L3MBTL3: variants seen among roughly 807,000 people sequenced by gnomAD.
The protein encoded by L3MBTL3 is L3MBTL histone methyl-lysine binding protein 3.
A neutral mutation model predicts 102.3 loss-of-function variants in L3MBTL3; 27 were observed. The observed-to-expected ratio is 0.26, with a 90% CI of 0.19 to 0.36. The LOEUF (loss-of-function observed/expected upper bound fraction) is 0.36. Among genes scored for constraint, L3MBTL3 ranks in the 10% least tolerant of loss-of-function variants. The probability of loss-of-function intolerance (pLI) is 1.00; values close to 1 mark genes in which losing one functional copy is unlikely to be tolerated. For synonymous variants in L3MBTL3, 340 were observed against 320.9 expected (o/e 1.06, Z -0.64); for missense variants, 798 against 955.3 (o/e 0.84, Z 2.17).
intron 22 of L3MBTL3, among the ~76,000 whole-genome samples, chr6:130,134,871 G>A (rs1787455184): frequency 6.6e-6 from 1 of 152,162 alleles, no homozygotes; most frequent in South Asian, 2.1e-4. Flanking sequence ...ATACTGTTAG[G>A]TATAATTTAT....
intron 18 of L3MBTL3, among the ~76,000 whole-genome samples, chr6:130,099,306 G>A (rs1006147619): frequency 2.6e-5 from 4 of 152,126 alleles, no homozygotes; most frequent in African/African-American, 9.7e-5. Flanking sequence ...ACATGTGCAC[G>A]TGTCTAACCA....
chr6:130,104,675 G>A, intron 19 of L3MBTL3, 100 bp downstream of exon 19: 6 of 876,118 alleles, frequency 6.8e-6, no homozygotes, highest in Non-Finnish European at 9.5e-6. Context: ...TGTTTTCTTG[G>A]AGATTGTTGA....
chr6:130,032,772 C>T (rs573009894), intron 2 of L3MBTL3, among the ~76,000 whole-genome samples: 1 of 152,308 alleles, frequency 6.6e-6, no homozygotes, highest in African/African-American at 2.4e-5. Flanking sequence ...GGAAGAATCA[C>T]GTGAGGCCTG....
intron 13 of L3MBTL3, among the ~76,000 whole-genome samples, chr6:130,072,084 G>C (rs1782673219): frequency 6.6e-6 from 1 of 151,976 alleles, no homozygotes; most frequent in African/African-American, 2.4e-5. Flanking sequence ...TTGGCCTTCT[G>C]TATCTGTGGG....
chr6:130,062,557 T>G (rs1199376417), intron 10 of L3MBTL3, among the ~76,000 whole-genome samples: 1 of 143,842 alleles, frequency 7.0e-6, no homozygotes, highest in Non-Finnish European at 1.5e-5. Context: ...CCAGCTAAAT[T>G]TTTTTTTTTT....
intron 18 of L3MBTL3, among the ~76,000 whole-genome samples, chr6:130,099,194 T>C (rs1220106631): frequency 6.6e-6 from 1 of 152,148 alleles, no homozygotes; most frequent in East Asian, 1.9e-4. Context: ...TAGTGTAGGA[T>C]GCACCTCAAT....
At position 130,060,041 on chromosome 6, in the gene L3MBTL3, A is replaced by G. The variant is rs1562275355; in HGVS notation, c.765A>G (p.Gln255=). The change falls in exon 10 of 23, where the codon CAA becomes CAG. Residue 255 remains glutamine (Q), a synonymous_variant. Coordinates refer to ENST00000361794, the MANE Select transcript of L3MBTL3 (RefSeq NM_032438.4). ...AVPAKLFKEH[Q]SFPYNKNGFK... Reference sequence around the variant, plus strand: ...GCTCTCATTTTGCATTTTAGCATCAATCCTTTCCATATAACAAAAATGGAT... The same window carrying G: ...GCTCTCATTTTGCATTTTAGCATCAGTCCTTTCCATATAACAAAAATGGAT... The G allele has an allele frequency of 6.8e-6, 11 of 1,606,392 alleles. No individual in the cohort carries two copies. The highest frequency in any genetic ancestry group is 1.7e-5 in the Admixed American group (1 of 59,928).
At chr6:130,036,506 T>C (rs1780072372) in intron 2 of L3MBTL3, among the ~76,000 whole-genome samples, 1 of 152,212 alleles carries the variant, frequency 6.6e-6, no homozygotes, top group Admixed American at 6.5e-5. Flanking sequence ...TACTGTTTCA[T>C]ACAGCAAAGG....
chr6:130,079,585 A>G (rs1288508122), intron 14 of L3MBTL3, among the ~76,000 whole-genome samples: 1 of 152,150 alleles, frequency 6.6e-6, no homozygotes, highest in Non-Finnish European at 1.5e-5. Context: ...CGCAGTAGAC[A>G]ATTGCTTAGT....
chr6:130,068,297 T>G (rs752332572), intron 11 of L3MBTL3, 33 bp from the exon 12 acceptor site: 2 of 1,161,382 alleles, frequency 1.7e-6, no homozygotes, highest in Non-Finnish European at 2.6e-6. Context: ...ATTGTGGTAT[T>G]TGAATCAATC....
At chr6:130,070,919 G>T in intron 12 of L3MBTL3, 57 bp from the exon 13 acceptor site, 1 of 1,448,970 alleles carries the variant, frequency 6.9e-7, no homozygotes, top group Non-Finnish European at 9.5e-7. Flanking sequence ...AGAGTGTGCA[G>T]TTCTTGTGGT....
intron 20 of L3MBTL3, among the ~76,000 whole-genome samples, chr6:130,127,906 G>A (rs1282195326): frequency 2.0e-5 from 3 of 151,950 alleles, no homozygotes; most frequent in East Asian, 1.9e-4. Flanking sequence ...GCAAATACAG[G>A]GAAGCAAAAT....
chr6:130,027,280 A>G (rs973772696), intron 2 of L3MBTL3, among the ~76,000 whole-genome samples: 1 of 152,154 alleles, frequency 6.6e-6, no homozygotes, highest in African/African-American at 2.4e-5. Context: ...TTTTGAGCGT[A>G]TACTATGTAC....
At chr6:130,018,903 G>C (rs1778734624) in intron 1 of L3MBTL3, among the ~76,000 whole-genome samples, 1 of 152,138 alleles carries the variant, frequency 6.6e-6, no homozygotes, top group South Asian at 2.1e-4. Context: ...AAGTGGGCAA[G>C]TGACTCGGAA....
intron 13 of L3MBTL3, among the ~76,000 whole-genome samples, chr6:130,075,901 A>C (rs1054969957): frequency 1.3e-5 from 2 of 152,212 alleles, no homozygotes; most frequent in African/African-American, 4.8e-5. Context: ...TATCACCTTT[A>C]TCTCTTCCAA....
intron 19 of L3MBTL3, among the ~76,000 whole-genome samples, chr6:130,113,873 C>CT (rs147739114): frequency 0.1 from 15,324 of 152,202 alleles, 1,995 homozygotes; most frequent in African/African-American, 0.3. Flanking sequence ...AATCTATTTG[C>CT]TTTGCAAAAC....
At position 130,140,404 on chromosome 6, in the gene L3MBTL3, T is replaced by C. The variant is rs895465368; in HGVS notation, c.*651T>C. On this transcript the variant is annotated 3_prime_UTR_variant, in exon 23 of 23. Transcript: ENST00000361794. ...CATTATGAAATGTTAAACAAATTAC[T>C]TTTCACCAGCATCTTTACTATAATT... 2 of 152,638 alleles carry C rather than the reference T, an allele frequency of 1.3e-5. No homozygotes were observed. Among genetic ancestry groups the C allele is most frequent in the Non-Finnish European group, 2.9e-5 (2 of 68,040 alleles). 9.5% of individuals were successfully genotyped at this position (152,638 alleles called of 1,614,324 possible). A position where few individuals can be genotyped will look rare whatever the true frequency, so the allele number is the denominator to read the frequency against.
At chr6:130,102,473 T>G (rs1486434133) in intron 18 of L3MBTL3, among the ~76,000 whole-genome samples, 1 of 152,228 alleles carries the variant, frequency 6.6e-6, no homozygotes, top group East Asian at 1.9e-4. Flanking sequence ...TGAGTAATCC[T>G]TAAAATTGTA....
chr6:130,080,934 A>G (rs1783298129), intron 14 of L3MBTL3, among the ~76,000 whole-genome samples: 1 of 152,200 alleles, frequency 6.6e-6, no homozygotes, highest in Non-Finnish European at 1.5e-5. Context: ...CTCTAAGGGC[A>G]GATTCCTGGG....
Sources: gnomAD v4.1 joint callset for allele counts (sites outside exome capture counted in the v4.1 genomes callset) on GRCh38, gnomAD v4.1.1 for gene constraint, MANE v1.5 for transcripts, NCBI Gene and HGNC (gene_info 2026-07-23, HGNC 2026-07-21) for gene names.